INSC: variants seen among roughly 807,000 people sequenced by gnomAD.
The protein encoded by INSC is INSC spindle orientation adaptor protein, also known as protein inscuteable homolog.
Under a neutral mutation model 58.6 loss-of-function variants are expected in INSC, and 67 were observed. The observed-to-expected ratio is 1.14, with a 90% confidence interval of 0.94 to 1.40. INSC has a LOEUF of 1.40. Among genes scored for constraint, INSC ranks in the 40% most tolerant of loss-of-function variants. The pLI, the probability that INSC is intolerant of heterozygous loss-of-function variation, is 0.00. For synonymous variants in INSC, 262 were observed against 276.1 expected (o/e 0.95, Z 0.51); for missense variants, 714 against 692.0 (o/e 1.03, Z -0.36).
downstream of INSC, among the ~76,000 whole-genome samples, chr11:15,249,732 A>C (rs1297098721): frequency 6.6e-6 from 1 of 152,188 alleles, no homozygotes; most frequent in Non-Finnish European, 1.5e-5. Flanking sequence ...AAGAGTCTCC[A>C]TCTTCTACAC....
intron 7 of INSC, among the ~76,000 whole-genome samples, chr11:15,205,283 T>G (rs1287445868): frequency 1.3e-5 from 2 of 152,182 alleles, no homozygotes; most frequent in East Asian, 1.9e-4. Context: ...CACCACTAAT[T>G]CACTCTATGA....
chr11:15,198,004 A>G (rs934361618), intron 6 of INSC, among the ~76,000 whole-genome samples: 1 of 138,298 alleles, frequency 7.2e-6, no homozygotes, highest in Non-Finnish European at 1.7e-5. Flanking sequence ...TGAGTGCTGC[A>G]CTCGGTTCTT....
chr11:15,174,402 A>G (rs1332946002), intron 2 of INSC, among the ~76,000 whole-genome samples: 1 of 152,038 alleles, frequency 6.6e-6, no homozygotes, highest in African/African-American at 2.4e-5. Flanking sequence ...CTTGCAACAT[A>G]TTACATACAT....
intron 2 of INSC, among the ~76,000 whole-genome samples, chr11:15,173,625 T>C (rs1849476666): frequency 6.6e-6 from 1 of 152,176 alleles, no homozygotes; most frequent in Admixed American, 6.5e-5. Context: ...CATATATGTA[T>C]GTGTTCACAT....
intron 1 of INSC, among the ~76,000 whole-genome samples, chr11:15,116,460 A>G (rs1847696876): frequency 6.6e-6 from 1 of 151,938 alleles, no homozygotes; most frequent in Non-Finnish European, 1.5e-5. Flanking sequence ...TCCAGTGGTT[A>G]TCTTTTTTTC....
intron 2 of INSC, among the ~76,000 whole-genome samples, chr11:15,151,854 C>T (rs1445922940): frequency 1.3e-5 from 2 of 152,146 alleles, no homozygotes; most frequent in South Asian, 2.1e-4. Flanking sequence ...CCTTCCTTCC[C>T]CACTTCCTTC....
At chr11:15,166,110 T>C (rs1849187381) in intron 2 of INSC, among the ~76,000 whole-genome samples, 1 of 152,226 alleles carries the variant, frequency 6.6e-6, no homozygotes, top group East Asian at 1.9e-4. Context: ...TGAGAGATAC[T>C]GCTTAATGTT....
chr11:15,125,065 C>T (rs553280680), intron 1 of INSC, among the ~76,000 whole-genome samples: 42 of 152,142 alleles, frequency 2.8e-4, no homozygotes, highest in African/African-American at 9.6e-4. Context: ...TGGAGAAATA[C>T]GGAGAATAAT....
upstream of INSC, among the ~76,000 whole-genome samples, chr11:15,111,902 T>C (rs764395796): frequency 1.3e-5 from 2 of 152,180 alleles, no homozygotes; most frequent in Non-Finnish European, 2.9e-5. Context: ...TCTTCATGTG[T>C]AAAATAGGGA....
At chr11:15,249,192 G>T (rs2133993974), downstream of INSC, among the ~76,000 whole-genome samples, 1 of 152,340 alleles carries the variant, frequency 6.6e-6, no homozygotes, top group East Asian at 1.9e-4. Context: ...TTAGAAGAGA[G>T]CAGGGCAGAG....
At chr11:15,228,391 C>T (rs1326167513) in intron 9 of INSC, among the ~76,000 whole-genome samples, 1 of 152,216 alleles carries the variant, frequency 6.6e-6, no homozygotes, top group Non-Finnish European at 1.5e-5. Flanking sequence ...AGATAGTTCT[C>T]TCTGCACCTG....
At chr11:15,220,168 C>A (rs1851382697) in intron 7 of INSC, among the ~76,000 whole-genome samples, 1 of 152,196 alleles carries the variant, frequency 6.6e-6, no homozygotes, top group Non-Finnish European at 1.5e-5. Context: ...GAAATGCAGA[C>A]CTCTGGAGGC....
At chr11:15,188,397 TC>T (rs1300925009) in intron 5 of INSC, 15 of 979,382 alleles carry the variant, frequency 1.5e-5, no homozygotes, top group Non-Finnish European at 1.8e-5. Context: ...GATGTCAAAT[TC>T]AGAGGGGTCA....
intron 8 of INSC, 34 bp from the exon 9 acceptor site, chr11:15,225,616 C>T (rs1436816817): frequency 6.3e-7 from 1 of 1,596,378 alleles, no homozygotes; most frequent in South Asian, 1.1e-5. Context: ...AAACACTTGG[C>T]ACGGAAGTTA....
chr11:15,217,318 C>T (rs1851256916), intron 7 of INSC, among the ~76,000 whole-genome samples: 1 of 152,196 alleles, frequency 6.6e-6, no homozygotes, highest in Non-Finnish European at 1.5e-5. Context: ...ACTCAATTAC[C>T]TCCCACCAGG....
downstream of INSC, among the ~76,000 whole-genome samples, chr11:15,251,857 A>G (rs1008257227): frequency 1.1e-4 from 16 of 152,210 alleles, no homozygotes; most frequent in African/African-American, 3.9e-4. Flanking sequence ...GAGTTATCAT[A>G]TGGCCCAGCA....
chr11:15,206,503 C>T (rs577922499), intron 7 of INSC, among the ~76,000 whole-genome samples: 1 of 152,250 alleles, frequency 6.6e-6, no homozygotes, highest in Admixed American at 6.5e-5. Flanking sequence ...GTTCTCTGGA[C>T]CTCACTTGGG....
intron 2 of INSC, among the ~76,000 whole-genome samples, chr11:15,173,713 A>G (rs1193918688): frequency 6.6e-6 from 1 of 152,204 alleles, no homozygotes; most frequent in Non-Finnish European, 1.5e-5. Context: ...GCAGAGACAG[A>G]GAAATCATTG....
At chr11:15,269,196 G>A in the INSC span, among the ~76,000 whole-genome samples, 1 of 151,784 alleles carries the variant, frequency 6.6e-6, no homozygotes, top group Non-Finnish European at 1.5e-5. Context: ...TCCCCTTCCA[G>A]GTGCTCAAAC....
Sources: allele counts gnomAD v4.1 joint callset (sites outside exome capture counted in the v4.1 genomes callset), GRCh38; gene constraint gnomAD v4.1.1; transcripts MANE v1.5; gene names NCBI Gene and HGNC (gene_info 2026-07-23, HGNC 2026-07-21).